ITCH: variants seen among roughly 807,000 people sequenced by gnomAD.
ITCH encodes E3 ubiquitin-protein ligase Itchy homolog.
Under a neutral mutation model 126.8 loss-of-function variants are expected in ITCH, and 28 were observed. The observed-to-expected ratio is 0.22, with a 90% CI of 0.16 to 0.30. ITCH has a LOEUF of 0.30. Among genes scored for constraint, ITCH ranks in the 10% least tolerant of loss-of-function variants. ITCH has a pLI of 1.00. For missense variants in ITCH, 631 were observed against 1,032.4 expected (o/e 0.61, Z 5.33); for synonymous variants, 342 against 340.0 (o/e 1.01, Z -0.06).
At chr20:34,399,053 C>G (rs1439904522) in intron 3 of ITCH, among the ~76,000 whole-genome samples, 1 of 152,286 alleles carries the variant, frequency 6.6e-6, no homozygotes, top group South Asian at 2.1e-4. Flanking sequence ...TAAGCTGCCT[C>G]AATGCCTTTC....
intron 1 of ITCH, among the ~76,000 whole-genome samples, chr20:34,367,696 C>G (rs1421910301): frequency 6.6e-6 from 1 of 152,120 alleles, no homozygotes; most frequent in Non-Finnish European, 1.5e-5. Context: ...AGTCCAATCT[C>G]TTAGTTTTCT....
At chr20:34,396,476 G>A (rs530237300) in intron 3 of ITCH, among the ~76,000 whole-genome samples, 1 of 151,976 alleles carries the variant, frequency 6.6e-6, no homozygotes, top group South Asian at 2.1e-4. Context: ...TACTCTGTGT[G>A]TGTGCGCGCG....
chr20:34,366,958 A>G (rs1260472857), intron 1 of ITCH, among the ~76,000 whole-genome samples: 1 of 152,186 alleles, frequency 6.6e-6, no homozygotes, highest in African/African-American at 2.4e-5. Flanking sequence ...TTAGCTTTTT[A>G]CTAGTGCAAT....
In ITCH at chr20:34,510,241, A is replaced by C. The variant is rs560990424; in HGVS notation, c.*2447A>C. The C allele has an allele frequency of 6.5e-5, 10 of 152,722 alleles. No individual in the cohort carries two copies. Among genetic ancestry groups the C allele is most frequent in the Admixed American group, 5.9e-4 (9 of 15,300 alleles). 9.5% of individuals were successfully genotyped at this position (152,722 alleles called of 1,614,324 possible). A position where few individuals can be genotyped will look rare whatever the true frequency, so the allele number is the denominator to read the frequency against. ...AAAATGGGGGCTGGATATCCCAAGA[A>C]TCAGAGGTTATATAAAAATACTGCA... On this transcript the variant is annotated 3_prime_UTR_variant, in exon 25 of 25. Coordinates refer to ENST00000374864, the MANE Select transcript of ITCH (RefSeq NM_031483.7).
chr20:34,499,754 TG>T (rs1990136767), intron 23 of ITCH, among the ~76,000 whole-genome samples: 1 of 152,168 alleles, frequency 6.6e-6, no homozygotes, highest in Non-Finnish European at 1.5e-5. Flanking sequence ...TGTTCTTTTC[TG>T]GTTTCTCAAA....
intron 3 of ITCH, among the ~76,000 whole-genome samples, chr20:34,401,274 G>A (rs1010425828): frequency 1.3e-5 from 2 of 151,632 alleles, no homozygotes; most frequent in African/African-American, 2.4e-5. Flanking sequence ...ACTCATCTGT[G>A]TCTTCTTTTT....
intron 12 of ITCH, among the ~76,000 whole-genome samples, chr20:34,456,209 TATATA>T (rs1367612683): frequency 2.8e-4 from 10 of 36,300 alleles, no homozygotes; most frequent in African/African-American, 9.0e-4. Context: ...TATATATATA[TATATA>T]TTTTTTTTTT....
intron 7 of ITCH, among the ~76,000 whole-genome samples, chr20:34,430,107 C>T (rs914532876): frequency 2.6e-5 from 4 of 152,186 alleles, no homozygotes; most frequent in African/African-American, 4.8e-5. Flanking sequence ...ATATGATAGA[C>T]ACTATGCTCA....
At chr20:34,493,605 A>G (rs1989663838) in intron 23 of ITCH, among the ~76,000 whole-genome samples, 1 of 152,346 alleles carries the variant, frequency 6.6e-6, no homozygotes, top group East Asian at 1.9e-4. Context: ...GAGGGGTATC[A>G]GCAATAATTG....
At chr20:34,492,684 C>A in intron 23 of ITCH, 87 bp downstream of exon 23, 1 of 868,132 alleles carries the variant, frequency 1.2e-6, no homozygotes, top group Non-Finnish European at 2.0e-6. Context: ...TTAGAAACAA[C>A]AAAGACAGGG....
intron 1 of ITCH, among the ~76,000 whole-genome samples, chr20:34,369,007 G>T (rs193237303): frequency 1.3e-5 from 2 of 152,100 alleles, no homozygotes; most frequent in South Asian, 2.1e-4. Context: ...TTTTAGAGTC[G>T]CAAGGTCGTT....
At chr20:34,462,508 C>G (rs1317769050) in intron 14 of ITCH, among the ~76,000 whole-genome samples, 2 of 152,172 alleles carry the variant, frequency 1.3e-5, no homozygotes, top group African/African-American at 4.8e-5. Flanking sequence ...TTTTCAGCTT[C>G]TTTCATTCCC....
At chr20:34,431,479 G>C (rs1422981830) in intron 7 of ITCH, among the ~76,000 whole-genome samples, 1 of 152,114 alleles carries the variant, frequency 6.6e-6, no homozygotes, top group East Asian at 1.9e-4. Flanking sequence ...GCATTTAGTT[G>C]ATAATTTGAT....
intron 16 of ITCH, among the ~76,000 whole-genome samples, chr20:34,473,595 G>C (rs1212536047): frequency 2.0e-5 from 3 of 152,218 alleles, no homozygotes; most frequent in Admixed American, 2.0e-4. Context: ...AATCAGCATT[G>C]TTTTTCAAAG....
At chr20:34,489,585 C>G (rs1343224645) in intron 21 of ITCH, among the ~76,000 whole-genome samples, 199 bp downstream of exon 21, 1 of 152,146 alleles carries the variant, frequency 6.6e-6, no homozygotes, top group Non-Finnish European at 1.5e-5. Context: ...CTCCAAAGTA[C>G]AAATATTAGA....
At chr20:34,499,634 AAAC>A (rs1289969024) in intron 23 of ITCH, among the ~76,000 whole-genome samples, 1 of 151,464 alleles carries the variant, frequency 6.6e-6, no homozygotes, top group Admixed American at 6.6e-5. Context: ...CAGAAAAAAA[AAAC>A]AACTTTTCAT....
At chr20:34,376,560 G>A (rs975266784) in intron 2 of ITCH, among the ~76,000 whole-genome samples, 1 of 151,748 alleles carries the variant, frequency 6.6e-6, no homozygotes, top group African/African-American at 2.4e-5. Flanking sequence ...ATAGAAGGAG[G>A]GAAGTTAGTT....
intron 13 of ITCH, among the ~76,000 whole-genome samples, chr20:34,458,314 C>A (rs546782364): frequency 6.6e-6 from 1 of 152,264 alleles, no homozygotes; most frequent in African/African-American, 2.4e-5. Flanking sequence ...ATTACAAGGA[C>A]TTGCTAATTT....
chr20:34,440,166 G>C lies in ITCH; in HGVS notation c.691G>C (p.Gly231Arg), dbSNP rs763819793. ...CAAATCTTTTATAGCATCTGTCAAT[G>C]GTTCACCATCTGCCACTTCTGAAAG... is the stretch of plus-strand genomic sequence containing the variant. ...PTPRRPASVN[G>R]SPSATSESDG... The change falls in exon 9 of 25, where the codon GGT (glycine) becomes CGT (arginine). Residue 231 changes from glycine to arginine, a missense_variant. By Grantham distance (125) the Gly-to-Arg change is moderately radical (BLOSUM62 -2). This residue lies in a region of ITCH where 220 missense variants were observed against 265.7 expected (regional missense o/e 0.83). Coordinates refer to ENST00000374864, the MANE Select transcript of ITCH (RefSeq NM_031483.7). 1.9e-6 allele frequency: 3 copies of C among 1,611,668 alleles called. No homozygotes were observed. Among genetic ancestry groups the C allele is most frequent in the Non-Finnish European group, 1.7e-6 (2 of 1,177,808 alleles).
Sources: gnomAD v4.1 joint callset for allele counts (sites outside exome capture counted in the v4.1 genomes callset) on GRCh38, gnomAD v4.1.1 for gene constraint, gnomAD v4.1.1 regional missense constraint, MANE v1.5 for transcripts, NCBI Gene and HGNC (gene_info 2026-07-23, HGNC 2026-07-21) for gene names.